Variants in GHR observed in about 807,000 individuals in gnomAD.
GHR encodes the protein growth hormone receptor.
GHR carries 35 observed loss-of-function variants against 67.1 expected under a neutral mutation model. The observed-to-expected ratio is 0.52, with a 90% CI of 0.40 to 0.69. The LOEUF is 0.69. Among genes scored for constraint, GHR ranks in the 30% least tolerant of loss-of-function variants. The pLI, the probability that GHR is intolerant of heterozygous loss-of-function variation, is 0.00. For synonymous variants in GHR, 272 were observed against 269.1 expected (o/e 1.01, Z -0.10); for missense variants, 792 against 764.6 (o/e 1.04, Z -0.42).
At chr5:42,643,142 G>A (rs1754562969) in intron 3 of GHR, among the ~76,000 whole-genome samples, 1 of 152,118 alleles carries the variant, frequency 6.6e-6, no homozygotes, top group Non-Finnish European at 1.5e-5. Flanking sequence ...ATGCATTGAA[G>A]GGAAAAATTC....
chr5:42,579,153 T>G (rs78769370), intron 2 of GHR, among the ~76,000 whole-genome samples: 32 of 39,024 alleles, frequency 8.2e-4, no homozygotes, highest in African/African-American at 2.2e-3. Flanking sequence ...TAGATAGATA[T>G]AGATAGATAG....
chr5:42,490,546 G>A (rs1026445675), intron 1 of GHR, among the ~76,000 whole-genome samples: 2 of 152,186 alleles, frequency 1.3e-5, no homozygotes, highest in Non-Finnish European at 1.5e-5. Context: ...AGTGAACAGC[G>A]TCTCAGCTTT....
intron 1 of GHR, chr5:42,468,929 G>A: frequency 2.0e-6 from 1 of 501,586 alleles, no homozygotes; most frequent in East Asian, 3.4e-5. Context: ...CCAAGAGCGC[G>A]TGCTTCAGCT....
At chr5:42,538,318 G>A (rs939503580) in intron 1 of GHR, among the ~76,000 whole-genome samples, 1 of 152,146 alleles carries the variant, frequency 6.6e-6, no homozygotes, top group Non-Finnish European at 1.5e-5. Flanking sequence ...ATGTTTCCAG[G>A]ATTTGTTTCA....
intron 1 of GHR, among the ~76,000 whole-genome samples, chr5:42,490,476 A>G (rs550059810): frequency 7.7e-4 from 118 of 152,324 alleles, no homozygotes; most frequent in Middle Eastern, 3.4e-3. Flanking sequence ...AGGGCTTTGA[A>G]TGCAAAATGA....
At chr5:42,676,437 A>T (rs1343399015) in intron 3 of GHR, among the ~76,000 whole-genome samples, 1 of 152,178 alleles carries the variant, frequency 6.6e-6, no homozygotes, top group Non-Finnish European at 1.5e-5. Context: ...ATAAATGTGA[A>T]TTTCTTATGT....
At chr5:42,501,930 G>C (rs1746557236) in intron 1 of GHR, among the ~76,000 whole-genome samples, 1 of 152,148 alleles carries the variant, frequency 6.6e-6, no homozygotes, top group African/African-American at 2.4e-5. Context: ...CAGCAGCTTT[G>C]TTCATGTATT....
At position 42,467,645 on chromosome 5, in the gene GHR, G is replaced by C. The variant is rs569635414; in HGVS notation, c.-12+43690G>C. On this transcript the variant is annotated intron_variant, in intron 1 of 9. Coordinates refer to ENST00000230882, the MANE Select transcript of GHR (RefSeq NM_000163.5). ...CATTTTGAGCAAACATAAGGTTTCT[G>C]TCCAGTGTGGATTCTCTGATGCACA... 74 of 1,605,560 alleles carry C rather than the reference G, an allele frequency of 4.6e-5. No homozygotes were observed. In the South Asian group the frequency reaches 8.0e-4, roughly 17 times the overall value.
chr5:42,447,116 A>T (rs1036679448), intron 1 of GHR, among the ~76,000 whole-genome samples: 6 of 152,180 alleles, frequency 3.9e-5, no homozygotes, highest in African/African-American at 1.4e-4. Flanking sequence ...GTCAACAGTG[A>T]TCTAAGTTTT....
intron 2 of GHR, among the ~76,000 whole-genome samples, chr5:42,618,853 G>A (rs1010416180): frequency 6.6e-6 from 1 of 152,114 alleles, no homozygotes; most frequent in Non-Finnish European, 1.5e-5. Flanking sequence ...ATGTTGGTCT[G>A]GGGCAAAGGT....
chr5:42,433,823 T>C (rs971580661), intron 1 of GHR, among the ~76,000 whole-genome samples: 14 of 148,238 alleles, frequency 9.4e-5, no homozygotes, highest in Non-Finnish European at 1.9e-4. Context: ...GAGGCGTATC[T>C]TGAGTTCACT....
chr5:42,711,146 T>A, intron 6 of GHR, 61 bp from the exon 7 acceptor site: 1 of 1,168,606 alleles, frequency 8.6e-7, no homozygotes, highest in Non-Finnish European at 1.3e-6. Context: ...ATACCTGTAG[T>A]GTTCATTGCA....
chr5:42,656,444 G>A (rs952539893), intron 3 of GHR, among the ~76,000 whole-genome samples: 1 of 152,036 alleles, frequency 6.6e-6, no homozygotes, highest in Non-Finnish European at 1.5e-5. Flanking sequence ...TCTTGTTAAT[G>A]TTCTTTTCTG....
intron 3 of GHR, among the ~76,000 whole-genome samples, chr5:42,670,379 A>T (rs1477602025): frequency 1.3e-5 from 2 of 152,202 alleles, no homozygotes; most frequent in African/African-American, 2.4e-5. Flanking sequence ...CTCAAAATAG[A>T]TTAAAGACTT....
chr5:42,677,209 C>A (rs780499757), intron 3 of GHR, among the ~76,000 whole-genome samples: 4 of 152,150 alleles, frequency 2.6e-5, no homozygotes, highest in African/African-American at 4.8e-5. Flanking sequence ...CATTACTCTT[C>A]CTTTATATTT....
At chr5:42,548,402 A>C (rs1748837418) in intron 1 of GHR, 1 of 985,136 alleles carries the variant, frequency 1.0e-6, no homozygotes, top group African/African-American at 1.7e-5. Context: ...TAACCAAATC[A>C]GTGTGATGTG....
At chr5:42,540,618 C>A (rs1748464397) in intron 1 of GHR, among the ~76,000 whole-genome samples, 2 of 152,154 alleles carry the variant, frequency 1.3e-5, no homozygotes, top group African/African-American at 2.4e-5. Flanking sequence ...CCTTCCTGGG[C>A]TCTCTGGTAG....
chr5:42,623,600 C>T (rs1189875523), intron 2 of GHR, among the ~76,000 whole-genome samples: 1 of 152,124 alleles, frequency 6.6e-6, no homozygotes, highest in Non-Finnish European at 1.5e-5. Context: ...AATTTAGCAC[C>T]TGTCTCAAGG....
At chr5:42,495,295 A>C (rs1417199577) in intron 1 of GHR, among the ~76,000 whole-genome samples, 1 of 152,056 alleles carries the variant, frequency 6.6e-6, no homozygotes, top group Non-Finnish European at 1.5e-5. Context: ...CATACAGAAA[A>C]AGAACAAGCA....
Sources: allele counts gnomAD v4.1 joint callset (sites outside exome capture counted in the v4.1 genomes callset), GRCh38; gene constraint gnomAD v4.1.1; transcripts MANE v1.5; gene names NCBI Gene and HGNC (gene_info 2026-07-23, HGNC 2026-07-21).